The following COL4A6 variants were observed in gnomAD, a reference collection of about 807,000 sequenced individuals.
COL4A6 encodes collagen alpha-6(IV) chain.
Under a neutral mutation model 126.7 loss-of-function variants are expected in COL4A6, and 59 were observed. The observed-to-expected ratio is 0.47, with a 90% CI of 0.38 to 0.58. COL4A6 has a LOEUF of 0.58. Among genes scored for constraint, COL4A6 ranks in the 20% least tolerant of loss-of-function variants. The pLI, the probability that COL4A6 is intolerant of heterozygous loss-of-function variation, is 0.00. For synonymous variants in COL4A6, 547 were observed against 496.6 expected (o/e 1.10, Z -1.35); for missense variants, 1,285 against 1,337.3 (o/e 0.96, Z 0.61).
At chrX:108,378,669 T>C (rs1468393129) in intron 2 of COL4A6, among the ~76,000 whole-genome samples, 2 of 112,833 alleles carry the variant, frequency 1.8e-5, no homozygotes, top group African/African-American at 3.2e-5. Context: ...ATAAAAACTA[T>C]TCATGTAATC....
chrX:108,192,659 C>CA, intron 17 of COL4A6, 79 bp from the exon 18 acceptor site: 3 of 651,452 alleles, frequency 4.6e-6, no homozygotes, highest in Non-Finnish European at 7.2e-6. Flanking sequence ...AGAAGAGGTG[C>CA]AGGAGCTGTC....
rs183941968 is a variant in COL4A6 at position 108,201,049 on chromosome X, G to A, written c.834+1879C>T. On this transcript the variant is annotated intron_variant, in intron 13 of 44. Coordinates refer to ENST00000334504, the MANE Select transcript of COL4A6 (RefSeq NM_033641.4). ...CCTTTCTGGTTCATTAGATACAGAG[G>A]TGATTAAAATCAAGTGCATTGAACA... 1.4e-4 allele frequency among the ~76,000 whole-genome samples: 16 copies of A among 111,992 alleles called. No individual in the cohort carries two copies. In the Admixed American group the frequency reaches 1.5e-3, roughly 11 times the overall value.
chrX:108,423,509 A>T (rs1274768070), intron 2 of COL4A6, among the ~76,000 whole-genome samples: 4 of 111,992 alleles, frequency 3.6e-5, no homozygotes, highest in Non-Finnish European at 5.6e-5. Flanking sequence ...TCAAGTAGAA[A>T]CAGCTAGGAA....
intron 2 of COL4A6, among the ~76,000 whole-genome samples, chrX:108,365,789 T>C (rs2040186285): frequency 8.9e-6 from 1 of 111,857 alleles, no homozygotes; most frequent in African/African-American, 3.3e-5. Flanking sequence ...GTGAGGATCA[T>C]ATTTTGAGTA....
intron 3 of COL4A6, among the ~76,000 whole-genome samples, chrX:108,287,621 G>A (rs1402572539): frequency 1.8e-5 from 2 of 111,590 alleles, no homozygotes; most frequent in African/African-American, 6.5e-5. Flanking sequence ...TGATCTCTGA[G>A]GATTGTTCCT....
intron 3 of COL4A6, among the ~76,000 whole-genome samples, chrX:108,286,408 C>T (rs2038008724): frequency 8.9e-6 from 1 of 111,755 alleles, no homozygotes; most frequent in South Asian, 3.8e-4. Flanking sequence ...TAGCTGTTCC[C>T]CTATTTCAGT....
chrX:108,415,994 T>A (rs1474810919), intron 2 of COL4A6, among the ~76,000 whole-genome samples: 1 of 112,225 alleles, frequency 8.9e-6, no homozygotes, highest in Non-Finnish European at 1.9e-5. Context: ...CCATAGGACT[T>A]GAGTCCACAG....
intron 23 of COL4A6, chrX:108,183,770 C>A (rs1242264902): frequency 2.2e-6 from 2 of 926,480 alleles, no homozygotes; most frequent in Non-Finnish European, 1.3e-6. Flanking sequence ...CAGCAGCAGT[C>A]ACCTAGAGCA....
intron 6 of COL4A6, among the ~76,000 whole-genome samples, chrX:108,212,536 T>A (rs1258241108): frequency 8.9e-6 from 1 of 111,897 alleles, no homozygotes; most frequent in Admixed American, 9.5e-5. Flanking sequence ...AGGATTAGTA[T>A]GTGGGGTAGG....
intron 3 of COL4A6, among the ~76,000 whole-genome samples, chrX:108,300,724 C>CGTGTGTGTGT (rs58203884): frequency 0.024 from 2,259 of 92,289 alleles, 69 homozygotes; most frequent in African/African-American, 0.075. Context: ...CAAACATTGG[C>CGTGTGTGTGT]GTGTGTGTGT....
intron 35 of COL4A6, 27 bp downstream of exon 35, chrX:108,170,582 C>A: frequency 8.8e-7 from 1 of 1,137,609 alleles, no homozygotes; most frequent in Non-Finnish European, 1.2e-6. Context: ...AGACTTTTCC[C>A]CACTGCCTGC....
intron 2 of COL4A6, among the ~76,000 whole-genome samples, chrX:108,321,359 TTTG>T (rs1490046013): frequency 9.0e-6 from 1 of 111,354 alleles, no homozygotes; most frequent in Non-Finnish European, 1.9e-5. Flanking sequence ...GTTTTTTGTT[TTTG>T]TTGTTGTTTT....
In COL4A6 at chrX:108,196,534, TTCCCTTTTC is replaced by T. The variant is rs772506311; in HGVS notation, c.871_879del (p.Glu291_Gly293del). 2.0e-3 allele frequency: 2,365 copies of T among 1,207,175 alleles called. 4 individuals are homozygous for T. The highest frequency in any genetic ancestry group is 2.8e-3 in the South Asian group (159 of 56,057). ...ACCCTAGGTCCTGGCAAACCAGGGATTCCCTTTTCTCCCTTTTCTCCCTTTTCTCCAGTA... is the reference window on the plus strand; with the variant it reads ...ACCCTAGGTCCTGGCAAACCAGGGATTCCCTTTTCTCCCTTTTCTCCAGTA... On this transcript the variant is annotated inframe_deletion, in exon 14 of 45. Coordinates refer to ENST00000334504, the MANE Select transcript of COL4A6 (RefSeq NM_033641.4).
In COL4A6 at chrX:108,191,639, A is replaced by T. The variant is rs1237040739; in HGVS notation, c.1181-106T>A. The T allele has an allele frequency of 6.3e-6, 6 of 956,921 alleles. No individual in the cohort carries two copies. In the East Asian group the frequency reaches 1.6e-4, roughly 26 times the overall value. The allele number at this position is 956,921 out of a possible 1,213,427, so 78.9% of individuals were successfully genotyped here. A position where few individuals can be genotyped will look rare whatever the true frequency, so the allele number is the denominator to read the frequency against. ...AACAAATCCAAGGAAGAATTTAGGG[A>T]AGCATTTGCCCTTCTCTTGTATCAG... On this transcript the variant is annotated intron_variant, in intron 18 of 44. Coordinates refer to ENST00000334504, the MANE Select transcript of COL4A6 (RefSeq NM_033641.4).
At chrX:108,390,201 T>C (rs1315413435) in intron 2 of COL4A6, among the ~76,000 whole-genome samples, 1 of 110,995 alleles carries the variant, frequency 9.0e-6, no homozygotes, top group Non-Finnish European at 1.9e-5. Context: ...CTGACAATTA[T>C]ATATCTTGAG....
intron 3 of COL4A6, among the ~76,000 whole-genome samples, chrX:108,274,977 T>C (rs754448168): frequency 1.8e-5 from 2 of 111,476 alleles, no homozygotes; most frequent in Non-Finnish European, 3.8e-5. Context: ...ATTATACAGG[T>C]CATATAGGCG....
intron 3 of COL4A6, among the ~76,000 whole-genome samples, chrX:108,241,198 C>A: frequency 9.0e-6 from 1 of 110,765 alleles, no homozygotes; most frequent in East Asian, 2.8e-4. Context: ...ATGCCTGACA[C>A]ATAATAATAA....
rs1473317175 is a variant in COL4A6, at chrX:108,334,206, C to T, written c.64-23378G>A. Among the ~76,000 whole-genome samples the T allele has an allele frequency of 2.7e-5, 3 of 111,510 alleles. No homozygotes were observed. In the East Asian group the frequency reaches 8.4e-4, roughly 31 times the overall value. ...CATCTTAAATATATCTTTACAATAA[C>T]ACCTAGACTAGTATTTTACCAAACT... On this transcript the variant is annotated intron_variant, in intron 2 of 44. Coordinates refer to ENST00000334504, the MANE Select transcript of COL4A6 (RefSeq NM_033641.4).
chrX:108,360,287 G>A (rs777831465), intron 2 of COL4A6, among the ~76,000 whole-genome samples: 4 of 111,997 alleles, frequency 3.6e-5, no homozygotes, highest in Non-Finnish European at 7.5e-5. Flanking sequence ...AAAAGGTGCT[G>A]TTGGGAATAC....
Sources: allele counts gnomAD v4.1 joint callset (sites outside exome capture counted in the v4.1 genomes callset), GRCh38; gene constraint gnomAD v4.1.1; transcripts MANE v1.5; gene names NCBI Gene and HGNC (gene_info 2026-07-23, HGNC 2026-07-21).